The following PARN variants were observed in gnomAD, a reference collection of about 807,000 sequenced individuals.
PARN encodes poly(A)-specific ribonuclease, also known as poly(A)-specific ribonuclease PARN.
Under a neutral mutation model 102.8 loss-of-function variants are expected in PARN, and 71 were observed. The observed-to-expected ratio is 0.69, with a 90% CI of 0.57 to 0.84. PARN has a LOEUF of 0.84. Ranked by LOEUF, PARN falls within the 40% of genes least tolerant of loss-of-function variation. The pLI is 0.00. For synonymous variants in PARN, 261 were observed against 252.9 expected, an observed-to-expected ratio of 1.03 and a Z score of -0.30; for missense variants, 782 against 760.9, an observed-to-expected ratio of 1.03 and a Z score of -0.33.
chr16:14,457,532 G>A (rs1167414249), intron 22 of PARN, among the ~76,000 whole-genome samples: 1 of 152,058 alleles, frequency 6.6e-6, no homozygotes, highest in African/African-American at 2.4e-5. Flanking sequence ...AGGCGCAGTG[G>A]CTCACACCTG....
chr16:14,536,605 T>C (rs1173600630), intron 21 of PARN, among the ~76,000 whole-genome samples: 2 of 152,210 alleles, frequency 1.3e-5, no homozygotes, highest in Non-Finnish European at 2.9e-5. Context: ...AAATACTATA[T>C]ACACAATTGA....
At chr16:14,572,204 C>T (rs1324915002) in intron 18 of PARN, among the ~76,000 whole-genome samples, 3 of 152,214 alleles carry the variant, frequency 2.0e-5, no homozygotes, top group Non-Finnish European at 4.4e-5. Context: ...GGGAGACAAG[C>T]TTGACACACG....
At chr16:14,446,527 G>A (rs1961205525) in intron 23 of PARN, among the ~76,000 whole-genome samples, 1 of 152,114 alleles carries the variant, frequency 6.6e-6, no homozygotes, top group Admixed American at 6.6e-5. Flanking sequence ...CAGTGAAAAC[G>A]CTGCTACTGA....
At chr16:14,535,436 T>A (rs1471471355) in intron 21 of PARN, among the ~76,000 whole-genome samples, 3 of 152,244 alleles carry the variant, frequency 2.0e-5, no homozygotes, top group African/African-American at 7.2e-5. Context: ...TACTCAACAG[T>A]GGAAATATTA....
intron 5 of PARN, among the ~76,000 whole-genome samples, chr16:14,620,505 T>C (rs1261009044): frequency 6.6e-6 from 1 of 152,246 alleles, no homozygotes; most frequent in South Asian, 2.1e-4. Context: ...ACTCTAATTT[T>C]ATTCTTGGCC....
At chr16:14,629,834 T>G (rs1972922989) in intron 1 of PARN, among the ~76,000 whole-genome samples, 160 bp from the exon 2 acceptor site, 1 of 152,120 alleles carries the variant, frequency 6.6e-6, no homozygotes, top group East Asian at 1.9e-4. Context: ...GAGGGGTGCA[T>G]GGGTCAGGGG....
chr16:14,590,397 G>T (rs1181119513), intron 13 of PARN, among the ~76,000 whole-genome samples: 4 of 151,862 alleles, frequency 2.6e-5, no homozygotes, highest in Admixed American at 2.6e-4. Context: ...AACTTTGGGA[G>T]GCGGAGGCGG....
At chr16:14,532,017 C>T (rs1173027898) in intron 21 of PARN, among the ~76,000 whole-genome samples, 4 of 151,906 alleles carry the variant, frequency 2.6e-5, no homozygotes, top group South Asian at 2.1e-4. Flanking sequence ...GAGCTATGAT[C>T]GCACTGCTGT....
intron 12 of PARN, among the ~76,000 whole-genome samples, chr16:14,597,910 G>A (rs1210039290): frequency 6.6e-6 from 1 of 152,090 alleles, no homozygotes; most frequent in Non-Finnish European, 1.5e-5. Context: ...TTGGGAGGCT[G>A]AAGAAGGCAG....
intron 21 of PARN, among the ~76,000 whole-genome samples, chr16:14,547,754 G>C (rs1967044480): frequency 6.6e-6 from 1 of 151,082 alleles, no homozygotes; most frequent in Admixed American, 6.6e-5. Context: ...ATTAAAATTA[G>C]TAATACTCAA....
chr16:14,441,841 G>A (rs1031207483), intron 23 of PARN, among the ~76,000 whole-genome samples: 2 of 152,198 alleles, frequency 1.3e-5, no homozygotes, highest in Non-Finnish European at 2.9e-5. Context: ...ACTTTAAGGA[G>A]ACCAGTAACA....
intron 22 of PARN, among the ~76,000 whole-genome samples, chr16:14,451,843 T>TAAAAAAAAAAAA (rs1184998225): frequency 3.7e-5 from 2 of 54,614 alleles, no homozygotes; most frequent in Non-Finnish European, 7.3e-5. Flanking sequence ...ACCCCGTCTC[T>TAAAAAAAAAAAA]AAAAAAAAAA....
At chr16:14,497,161 C>T (rs1964357013) in intron 21 of PARN, among the ~76,000 whole-genome samples, 1 of 152,036 alleles carries the variant, frequency 6.6e-6, no homozygotes, top group African/African-American at 2.4e-5. Flanking sequence ...CGACTTTCTC[C>T]CCTCTTTTTT....
At chr16:14,445,146 A>C (rs532210434) in intron 23 of PARN, among the ~76,000 whole-genome samples, 2 of 151,966 alleles carry the variant, frequency 1.3e-5, no homozygotes, top group Non-Finnish European at 2.9e-5. Context: ...TAGTTAAGTC[A>C]GGGAAAGGAC....
At chr16:14,476,812 G>T (rs909204148) in intron 22 of PARN, among the ~76,000 whole-genome samples, 1 of 152,272 alleles carries the variant, frequency 6.6e-6, no homozygotes, top group Admixed American at 6.5e-5. Context: ...CTGGAACAAC[G>T]ACTTTAAAAA....
Position 14,628,023 on chromosome 16 carries a change from C to T in PARN, c.177+149G>A, listed in dbSNP as rs191962951. On this transcript the variant is annotated intron_variant, in intron 3 of 23. Transcript: ENST00000437198. ...ACCTTGTCTCTAAAACAAGACAAAA[C>T]AAAAAAAAAAATCACTTCATGGCTA... 5.6e-5 allele frequency: 29 copies of T among 516,698 alleles called. No homozygotes were observed. The East Asian group carries it at 9.2e-4, about 16-fold the overall frequency. 32.0% of individuals were successfully genotyped at this position (516,698 alleles called of 1,614,324 possible).
chr16:14,533,289 G>C (rs926115364), intron 21 of PARN, among the ~76,000 whole-genome samples: 17 of 152,244 alleles, frequency 1.1e-4, no homozygotes, highest in South Asian at 6.2e-4. Flanking sequence ...GCCTGCAATC[G>C]CAAGTACTCG....
intron 21 of PARN, among the ~76,000 whole-genome samples, chr16:14,551,152 G>A (rs1047924005): frequency 4.0e-5 from 6 of 151,636 alleles, no homozygotes; most frequent in Non-Finnish European, 4.4e-5. Context: ...GGCTCGTCTC[G>A]AACTCCTGAC....
chr16:14,446,952 G>C lies in PARN; in HGVS notation c.1800C>G (p.Pro600=), dbSNP rs766731547. ...ELEQTDSCAE[P]LSEGRKKAKK... ...TGGCCTTTTTCCTTCCCTCTGAGAGGGGCTCTGCACAGGAATCGGTCTGCT... is the reference window on the plus strand; with the variant it reads ...TGGCCTTTTTCCTTCCCTCTGAGAGCGGCTCTGCACAGGAATCGGTCTGCT... The change falls in exon 23 of 24, where the codon CCC becomes CCG. Residue 600 remains proline (P), a synonymous_variant. Transcript: ENST00000437198. 77 of 1,613,366 alleles carry C rather than the reference G, an allele frequency of 4.8e-5. No homozygotes were observed. Among genetic ancestry groups the C allele is most frequent in the Non-Finnish European group, 6.5e-5 (77 of 1,179,652 alleles).
Sources: gnomAD v4.1 joint callset for allele counts (sites outside exome capture counted in the v4.1 genomes callset) on GRCh38, gnomAD v4.1.1 for gene constraint, MANE v1.5 for transcripts, NCBI Gene and HGNC (gene_info 2026-07-23, HGNC 2026-07-21) for gene names.